CMTR1: variants seen among roughly 807,000 people sequenced by gnomAD.
CMTR1 encodes the protein cap methyltransferase 1, also known as cap-specific mRNA (nucleoside-2'-O-)-methyltransferase 1.
CMTR1 carries 39 observed loss-of-function variants against 107.0 expected under a neutral mutation model. The observed-to-expected ratio is 0.36, with a 90% CI of 0.28 to 0.48. The LOEUF (loss-of-function observed/expected upper bound fraction) is 0.48, where lower values mean the gene tolerates loss of function less well. Among genes scored for constraint, CMTR1 ranks in the 20% least tolerant of loss-of-function variants. CMTR1 has a pLI of 0.99. For missense variants in CMTR1, 672 were observed against 1,064.9 expected, an observed-to-expected ratio of 0.63 and a Z score of 5.14; for synonymous variants, 366 against 379.5, an observed-to-expected ratio of 0.96 and a Z score of 0.41.
intron 5 of CMTR1, among the ~76,000 whole-genome samples, chr6:37,451,496 G>C (rs1761172478): frequency 6.6e-6 from 1 of 152,200 alleles, no homozygotes; most frequent in Non-Finnish European, 1.5e-5. Context: ...CCATGCTCCA[G>C]GGTTAGACAG....
At chr6:37,463,991 C>T (rs759532925) in intron 13 of CMTR1, among the ~76,000 whole-genome samples, 1 of 152,172 alleles carries the variant, frequency 6.6e-6, no homozygotes, top group Non-Finnish European at 1.5e-5. Flanking sequence ...TGCATAGATG[C>T]ATGGCAGAAC....
chr6:37,461,456 C>T, intron 10 of CMTR1, 93 bp from the exon 11 acceptor site: 1 of 684,764 alleles, frequency 1.5e-6, no homozygotes. Context: ...AGTGAAAACA[C>T]TTCAAGAACT....
At chr6:37,478,762 C>T (rs897714512) in intron 22 of CMTR1, among the ~76,000 whole-genome samples, 13 of 152,180 alleles carry the variant, frequency 8.5e-5, no homozygotes, top group African/African-American at 2.2e-4. Context: ...TACACACGCA[C>T]GTGTTGTTCT....
At chr6:37,474,688 G>A in intron 18 of CMTR1, 42 bp downstream of exon 18, 1 of 1,606,854 alleles carries the variant, frequency 6.2e-7, no homozygotes, top group African/African-American at 1.3e-5. Context: ...TGCAGCTAGG[G>A]GACTAGGGGG....
intron 13 of CMTR1, among the ~76,000 whole-genome samples, chr6:37,465,447 T>G (rs937233115): frequency 6.6e-6 from 1 of 152,232 alleles, no homozygotes; most frequent in Admixed American, 6.5e-5. Context: ...CAATATGTAT[T>G]TCTGTGACAA....
At chr6:37,425,042 A>T in the CMTR1 span, among the ~76,000 whole-genome samples, 1 of 140,264 alleles carries the variant, frequency 7.1e-6, no homozygotes, top group South Asian at 2.2e-4. Context: ...TCTGCCTCCC[A>T]GGTTCAAGCA....
At chr6:37,465,263 C>T (rs374188093) in intron 13 of CMTR1, among the ~76,000 whole-genome samples, 2 of 148,208 alleles carry the variant, frequency 1.3e-5, no homozygotes, top group African/African-American at 5.0e-5. Flanking sequence ...GAGACTCTGT[C>T]TCAAAAAAAA....
chr6:37,444,040 G>A lies in CMTR1; in HGVS notation c.175G>A (p.Gly59Arg). Reference sequence around the variant, plus strand: ...TAGTGGGTCTGATAGTGAGACCGAGGGGAAACAACACAGCTCTGACTCTTT... The same window carrying A: ...TAGTGGGTCTGATAGTGAGACCGAGAGGAAACAACACAGCTCTGACTCTTT... ...SLSGSDSETE[G>R]KQHSSDSFDD... Residue 59 changes from glycine to arginine, a missense_variant, in exon 3 of 24, where the codon GGG (glycine) becomes AGG (arginine). Around this residue, in one of 2 missense-constraint regions of CMTR1, gnomAD observed 89 missense variants for 96.6 expected, o/e 0.92. Transcript: ENST00000373451. The A allele has an allele frequency of 6.2e-7, 1 of 1,614,094 alleles. No individual in the cohort carries two copies. The highest frequency in any genetic ancestry group is 8.5e-7 in the Non-Finnish European group (1 of 1,180,014).
Position 37,472,123 on chromosome 6 carries a change from G to T in CMTR1, c.1620+219G>T, listed in dbSNP as rs1338268153. On this transcript the variant is annotated intron_variant, in intron 15 of 23. Coordinates refer to ENST00000373451, the MANE Select transcript of CMTR1 (RefSeq NM_015050.3). The surrounding 1 kb of genome is among the most constrained non-coding windows in gnomAD (Gnocchi z 4.1). ...TGCAGCTGGGTCAGAAAGGACTAAG[G>T]GGTGGGGTGTGGGGAGGTGGGCCGG... Among the ~76,000 whole-genome samples the T allele has an allele frequency of 6.6e-6, 1 of 152,212 alleles. No homozygotes were observed. The highest frequency in any genetic ancestry group is 1.9e-4 in the East Asian group (1 of 5,192).
intron 13 of CMTR1, among the ~76,000 whole-genome samples, chr6:37,464,309 C>CA (rs1413234764): frequency 6.6e-6 from 1 of 151,022 alleles, no homozygotes; most frequent in South Asian, 2.1e-4. Flanking sequence ...ACTAAAAATT[C>CA]AAAAAAAATT....
At chr6:37,455,517 A>G (rs1761273748) in intron 8 of CMTR1, among the ~76,000 whole-genome samples, 1 of 152,240 alleles carries the variant, frequency 6.6e-6, no homozygotes, top group Non-Finnish European at 1.5e-5. Context: ...TCCTTGGAGT[A>G]TATGGAAGCA....
chr6:37,436,157 T>G (rs1771525998), intron 2 of CMTR1, among the ~76,000 whole-genome samples: 1 of 152,216 alleles, frequency 6.6e-6, no homozygotes, highest in South Asian at 2.1e-4. Context: ...ATTTTCACTT[T>G]TTTTGCATGC....
chr6:37,471,758 G>A (rs1306742173), intron 14 of CMTR1, 89 bp from the exon 15 acceptor site: 10 of 1,137,244 alleles, frequency 8.8e-6, no homozygotes, highest in Non-Finnish European at 1.3e-5. Context: ...ATTCATTCAG[G>A]CCTCCTCTCT....
chr6:37,468,160 CTTTT>C (rs796839914), intron 13 of CMTR1, among the ~76,000 whole-genome samples: 1 of 141,754 alleles, frequency 7.1e-6, no homozygotes, highest in Non-Finnish European at 1.6e-5. Context: ...TTTTAGATGC[CTTTT>C]TTTTTTTGCT....
chr6:37,434,238 G>C (rs548198467), intron 1 of CMTR1, among the ~76,000 whole-genome samples: 5 of 152,286 alleles, frequency 3.3e-5, no homozygotes, highest in African/African-American at 1.2e-4. Flanking sequence ...TTCTCAGGAA[G>C]GTGGCGGTTG....
chr6:37,477,293 C>T (rs925168738), intron 20 of CMTR1, among the ~76,000 whole-genome samples: 1 of 152,200 alleles, frequency 6.6e-6, no homozygotes, highest in East Asian at 1.9e-4. Flanking sequence ...ACAGAGACAT[C>T]TTTGTCTGCC....
intron 13 of CMTR1, among the ~76,000 whole-genome samples, chr6:37,466,899 G>A (rs576777933): frequency 1.5e-4 from 23 of 152,056 alleles, no homozygotes; most frequent in Non-Finnish European, 2.6e-4. Context: ...GGCCAGGCAC[G>A]GTGGCTCACA....
At chr6:37,433,791 G>C (rs1378913582) in intron 1 of CMTR1, among the ~76,000 whole-genome samples, 1 of 152,234 alleles carries the variant, frequency 6.6e-6, no homozygotes, top group Non-Finnish European at 1.5e-5. Flanking sequence ...AGAGCATTCT[G>C]CTGGCATGTG....
At chr6:37,476,246 C>T (rs868783305) in intron 20 of CMTR1, 52 bp downstream of exon 20, 9 of 1,587,098 alleles carry the variant, frequency 5.7e-6, no homozygotes, top group Middle Eastern at 1.7e-4. Flanking sequence ...GTACCTGCTG[C>T]TCCCGTCCAG....
Sources: gnomAD v4.1 joint callset for allele counts (sites outside exome capture counted in the v4.1 genomes callset) on GRCh38, gnomAD v4.1.1 for gene constraint, gnomAD v4.1.1 regional missense constraint, Gnocchi (gnomAD v3.1) non-coding constraint, MANE v1.5 for transcripts, NCBI Gene and HGNC (gene_info 2026-07-23, HGNC 2026-07-21) for gene names.